Variants in MSRB3 observed in about 807,000 individuals in gnomAD.
MSRB3 encodes methionine sulfoxide reductase B3, also known as methionine-R-sulfoxide reductase B3.
MSRB3 carries 13 observed loss-of-function variants against 21.0 expected under a neutral mutation model. The observed-to-expected ratio is 0.62, with a 90% CI of 0.40 to 0.98. The LOEUF is 0.98. Among genes scored for constraint, MSRB3 ranks in the 50% least tolerant of loss-of-function variants. MSRB3 has a pLI of 0.00. For synonymous variants in MSRB3, 87 were observed against 88.6 expected (o/e 0.98, Z 0.10); for missense variants, 199 against 230.3 (o/e 0.86, Z 0.88).
rs114095406 is a variant in MSRB3, at chr12:65,304,955, G to C, written c.-51-3574G>C. On this transcript the variant is annotated intron_variant, in intron 1 of 6. Transcript: ENST00000308259. ...TATTTCCAAAGAATTTAAAGAAAAA[G>C]TTGAAGTTGAAAGCAGTTGAAGTTG... The C allele has an allele frequency of 2.0e-5, 3 of 152,162 alleles. 1 individual carries two copies. In the South Asian group the frequency reaches 6.2e-4, roughly 31 times the overall value. The allele number at this position is 152,162 out of a possible 1,614,324, so 9.4% of individuals were successfully genotyped here.
intron 4 of MSRB3, among the ~76,000 whole-genome samples, chr12:65,350,864 G>A (rs1375462479): frequency 1.4e-5 from 2 of 146,352 alleles, no homozygotes; most frequent in African/African-American, 2.7e-5. Flanking sequence ...TTAATAATGG[G>A]AGACTTTAAC....
chr12:65,405,653 G>A (rs1234582775), intron 5 of MSRB3, among the ~76,000 whole-genome samples: 1 of 151,834 alleles, frequency 6.6e-6, no homozygotes, highest in African/African-American at 2.4e-5. Context: ...TTATTTTTAG[G>A]GGAACCTCAA....
intron 5 of MSRB3, among the ~76,000 whole-genome samples, chr12:65,445,297 T>A (rs944393092): frequency 1.3e-5 from 2 of 151,842 alleles, no homozygotes; most frequent in East Asian, 3.9e-4. Context: ...TATATACGTT[T>A]CCATGTTCCC....
intron 2 of MSRB3, among the ~76,000 whole-genome samples, chr12:65,310,144 C>T (rs541715755): frequency 7.8e-4 from 118 of 152,110 alleles, no homozygotes; most frequent in African/African-American, 2.6e-3. Flanking sequence ...AAAAGTAGAT[C>T]TTATGTCTGT....
intron 1 of MSRB3, among the ~76,000 whole-genome samples, chr12:65,289,504 A>G (rs960368350): frequency 5.3e-5 from 8 of 152,150 alleles, no homozygotes; most frequent in Non-Finnish European, 7.3e-5. Flanking sequence ...AAATAAATAA[A>G]TAAATAAAAG....
intron 1 of MSRB3, among the ~76,000 whole-genome samples, chr12:65,298,644 T>C (rs916724169): frequency 6.6e-6 from 1 of 152,188 alleles, no homozygotes; most frequent in Non-Finnish European, 1.5e-5. Flanking sequence ...ACTTCTCTTT[T>C]ATCTGCTATA....
At chr12:65,364,068 T>C (rs926074507) in intron 4 of MSRB3, among the ~76,000 whole-genome samples, 7 of 152,168 alleles carry the variant, frequency 4.6e-5, no homozygotes, top group Admixed American at 3.3e-4. Context: ...TGATTTACTA[T>C]TCTAATATCA....
rs61921507 is a variant in MSRB3, at chr12:65,463,293, C to G, written c.529C>G (p.Pro177Ala). The stretch of plus-strand genomic sequence containing the variant: ...CGAGGGAGGCAGTGGGGTCGCCAGC[C>G]CGGCCCAGGCAGACAAAGCGGAGCT... ...TAEGGSGVAS[P>A]AQADKAEL The change falls in exon 7 of 7, where the codon CCG becomes GCG. Residue 177 changes from proline to alanine, a missense_variant. By Grantham distance (27) the Pro-to-Ala change is conservative. Coordinates refer to ENST00000308259, the MANE Select transcript of MSRB3 (RefSeq NM_001031679.3). 2.5e-6 allele frequency: 4 copies of G among 1,614,154 alleles called. No individual in the cohort carries two copies. Among genetic ancestry groups the G allele is most frequent in the Non-Finnish European group, 3.4e-6 (4 of 1,180,036 alleles).
At chr12:65,413,402 T>C (rs895713619) in intron 5 of MSRB3, among the ~76,000 whole-genome samples, 3 of 152,180 alleles carry the variant, frequency 2.0e-5, no homozygotes, top group Non-Finnish European at 2.9e-5. Flanking sequence ...CCTCCTATGA[T>C]AAAAGCAAAT....
At chr12:65,305,714 T>C (rs1385218360) in intron 1 of MSRB3, among the ~76,000 whole-genome samples, 1 of 152,228 alleles carries the variant, frequency 6.6e-6, no homozygotes, top group African/African-American at 2.4e-5. Context: ...GAGCAGTGCA[T>C]GGCACATGCT....
In MSRB3 at chr12:65,358,710, T is replaced by A. The variant is rs1877531779; in HGVS notation, c.264-10288T>A. 3.3e-5 allele frequency among the ~76,000 whole-genome samples: 5 copies of A among 152,036 alleles called. No homozygotes were observed. In the South Asian group the frequency reaches 1.0e-3, roughly 31 times the overall value. ...GTGTTGGAAACCAAAATCTGAATGG[T>A]AGGTGGCCTCTCTGCTTTGACTTTT... On this transcript the variant is annotated intron_variant, in intron 4 of 6. Transcript: ENST00000308259.
intron 5 of MSRB3, among the ~76,000 whole-genome samples, chr12:65,439,442 TATCTTTCAAATAAAAAAC>T (rs1431732867): frequency 1.8e-4 from 28 of 151,706 alleles, no homozygotes; most frequent in Non-Finnish European, 3.4e-4. Context: ...ATAGATGAAG[TATCTTTCAAATAAAAAAC>T]ATCTTTCAAA....
chr12:65,431,479 C>T (rs1017307157), intron 5 of MSRB3, among the ~76,000 whole-genome samples: 1 of 151,954 alleles, frequency 6.6e-6, no homozygotes, highest in Admixed American at 6.6e-5. Context: ...CCTTTCCTGT[C>T]AGGTTTTCAT....
intron 5 of MSRB3, among the ~76,000 whole-genome samples, chr12:65,396,306 T>G (rs1426572244): frequency 6.6e-6 from 1 of 152,270 alleles, no homozygotes; most frequent in Non-Finnish European, 1.5e-5. Flanking sequence ...TTTTCTGATA[T>G]TCTAGCTATC....
chr12:65,453,674 C>A, intron 5 of MSRB3, 54 bp from the exon 6 acceptor site: 1 of 1,305,688 alleles, frequency 7.7e-7, no homozygotes, highest in Non-Finnish European at 1.1e-6. Context: ...CATTCTAACC[C>A]AAGGCTGTGT....
In MSRB3 at chr12:65,328,609, T is replaced by G. The variant is rs1323615411; in HGVS notation, c.263+6T>G. The G allele has an allele frequency of 1.9e-6, 3 of 1,597,570 alleles. No homozygotes were observed. Among genetic ancestry groups the G allele is most frequent in the South Asian group, 1.1e-5 (1 of 90,732 alleles). On this transcript the variant is annotated splice_donor_region_variant and intron_variant, in intron 4 of 6. Transcript: ENST00000308259. ...TGTGGAACTCCATTGTTTAAGTAAG[T>G]ATGTTGAAAACCTATAGGTATGGCT... is the stretch of plus-strand genomic sequence containing the variant.
intron 2 of MSRB3, among the ~76,000 whole-genome samples, chr12:65,322,783 T>C (rs1874769015): frequency 6.6e-6 from 1 of 152,144 alleles, no homozygotes; most frequent in African/African-American, 2.4e-5. Flanking sequence ...AGGTATGTTA[T>C]AACCTCTCCA....
chr12:65,412,716 A>G (rs1237806647), intron 5 of MSRB3, among the ~76,000 whole-genome samples: 1 of 152,110 alleles, frequency 6.6e-6, no homozygotes, highest in African/African-American at 2.4e-5. Flanking sequence ...AAGTTGTTCT[A>G]TTAGTCCATT....
intron 1 of MSRB3, among the ~76,000 whole-genome samples, chr12:65,280,236 T>C (rs1273884782): frequency 6.6e-6 from 1 of 152,248 alleles, no homozygotes. Flanking sequence ...AGCAGTGATA[T>C]CAGTTTCATG....
Sources: gnomAD v4.1 joint callset for allele counts (sites outside exome capture counted in the v4.1 genomes callset) on GRCh38, gnomAD v4.1.1 for gene constraint, MANE v1.5 for transcripts, NCBI Gene and HGNC (gene_info 2026-07-23, HGNC 2026-07-21) for gene names.